RBFOX1: variants seen among roughly 807,000 people sequenced by gnomAD.
The protein encoded by RBFOX1 is RNA binding fox-1 homolog 1, also known as RNA binding protein fox-1 homolog 1.
A neutral mutation model predicts 57.7 loss-of-function variants in RBFOX1; 8 were observed. The observed-to-expected ratio is 0.14, with a 90% CI of 0.08 to 0.25. The LOEUF (loss-of-function observed/expected upper bound fraction) is 0.25, where lower values mean the gene tolerates loss of function less well. Among genes scored for constraint, RBFOX1 ranks in the 10% least tolerant of loss-of-function variants. The pLI is 1.00. For synonymous variants in RBFOX1, 326 were observed against 222.4 expected (o/e 1.47, Z -4.15); for missense variants, 611 against 548.5 (o/e 1.11, Z -1.14).
In RBFOX1 at chr16:5,356,569, G is replaced by A. The variant is rs575551146; in HGVS notation, c.220-110647G>A. Reference sequence around the variant, plus strand: ...TTCTAGGGCAAGATTTTATCTCTCTGTTGTGTCCCTAGCTTCTGGAATGGT... The same window carrying A: ...TTCTAGGGCAAGATTTTATCTCTCTATTGTGTCCCTAGCTTCTGGAATGGT... On this transcript the variant is annotated intron_variant, in intron 1 of 2. Coordinates refer to the RBFOX1 transcript ENST00000585867. 3.3e-5 allele frequency among the ~76,000 whole-genome samples: 5 copies of A among 152,286 alleles called. No individual in the cohort carries two copies. The South Asian group carries it at 8.3e-4, about 25-fold the overall frequency.
chr16:7,062,370 A>G (rs2054634493), intron 4 of RBFOX1, among the ~76,000 whole-genome samples: 1 of 151,448 alleles, frequency 6.6e-6, no homozygotes, highest in South Asian at 2.1e-4. Context: ...GTAATGAGAT[A>G]TAAAAGCTTT....
At chr16:5,300,683 T>C (rs1043729898) in intron 1 of RBFOX1, among the ~76,000 whole-genome samples, 4 of 152,224 alleles carry the variant, frequency 2.6e-5, no homozygotes, top group African/African-American at 7.2e-5. Context: ...ATTCATATGA[T>C]AACTGTAAAA....
At chr16:6,453,403 G>A (rs978239980) in intron 2 of RBFOX1, among the ~76,000 whole-genome samples, 1 of 152,054 alleles carries the variant, frequency 6.6e-6, no homozygotes, top group Non-Finnish European at 1.5e-5. Flanking sequence ...GAGAATGATG[G>A]TCTACGCAAA....
intron 1 of RBFOX1, among the ~76,000 whole-genome samples, chr16:5,296,369 C>G (rs2063668365): frequency 6.6e-6 from 1 of 152,128 alleles, no homozygotes; most frequent in Admixed American, 6.5e-5. Flanking sequence ...TCATGTAAGT[C>G]TGCATCCTCA....
chr16:6,952,480 C>T (rs114137329), intron 3 of RBFOX1, among the ~76,000 whole-genome samples: 2,274 of 151,854 alleles, frequency 0.015, 69 homozygotes, highest in African/African-American at 0.052. Flanking sequence ...GACCCTGTCT[C>T]TACAAAAAAT....
rs148457366 is a variant in RBFOX1, at chr16:5,557,327, G to A, written c.259-41575G>A. Reference sequence around the variant, plus strand: ...TAAAAATTTCTGAAAGGTTGTTTGCGTTCCTGCTGTCTGTCTGGCACTGTG... The same window carrying A: ...TAAAAATTTCTGAAAGGTTGTTTGCATTCCTGCTGTCTGTCTGGCACTGTG... On this transcript the variant is annotated intron_variant, in intron 2 of 2. Transcript: ENST00000585867. Among the ~76,000 whole-genome samples the A allele has an allele frequency of 3.8e-3, 571 of 152,002 alleles. 7 individuals carry two copies. Among genetic ancestry groups the A allele is most frequent in the African/African-American group, 0.013 (548 of 41,448 alleles).
In RBFOX1 at chr16:5,625,225, C is replaced by A. The variant is rs145381966; in HGVS notation, c.318+26264C>A. ...AGAACAGGGCAGGATATTTTTTTTT[C>A]TGTATCCCTAGGATCTGTAGCAGGA... On this transcript the variant is annotated intron_variant, in intron 3 of 19. Coordinates refer to the RBFOX1 transcript ENST00000641259. 1.8e-3 allele frequency among the ~76,000 whole-genome samples: 269 copies of A among 151,282 alleles called. 1 individual carries two copies. Among genetic ancestry groups the A allele is most frequent in the African/African-American group, 6.1e-3 (250 of 40,908 alleles).
intron 4 of RBFOX1, among the ~76,000 whole-genome samples, chr16:7,425,782 G>A (rs1237488442): frequency 3.3e-5 from 5 of 152,150 alleles, no homozygotes; most frequent in Admixed American, 3.3e-4. Flanking sequence ...GGAGAGAAAG[G>A]ATCGCCTTCC....
At chr16:5,969,128 C>CT (rs2059909193) in intron 4 of RBFOX1, among the ~76,000 whole-genome samples, 1 of 151,978 alleles carries the variant, frequency 6.6e-6, no homozygotes, top group Admixed American at 6.6e-5. Flanking sequence ...TCTTGTATCC[C>CT]TTTCTCAATG....
intron 1 of RBFOX1, among the ~76,000 whole-genome samples, chr16:6,235,739 A>G (rs1175555998): frequency 6.6e-6 from 1 of 152,134 alleles, no homozygotes; most frequent in African/African-American, 2.4e-5. Flanking sequence ...CTATTACTCT[A>G]AGTGAAGTAA....
intron 2 of RBFOX1, among the ~76,000 whole-genome samples, chr16:6,552,570 A>G (rs147982394): frequency 1.3e-5 from 2 of 152,320 alleles, no homozygotes; most frequent in African/African-American, 4.8e-5. Context: ...ATTGATGGCA[A>G]TGATAAACAA....
At chr16:6,410,077 A>G (rs2093408291) in intron 2 of RBFOX1, among the ~76,000 whole-genome samples, 1 of 152,020 alleles carries the variant, frequency 6.6e-6, no homozygotes, top group African/African-American at 2.4e-5. Context: ...TTAAAGAACC[A>G]TCTCACATTC....
chr16:5,763,143 G>A (rs1338307482), intron 3 of RBFOX1, among the ~76,000 whole-genome samples: 1 of 152,236 alleles, frequency 6.6e-6, no homozygotes, highest in African/African-American at 2.4e-5. Flanking sequence ...ACACAAGAAT[G>A]TGGGGCATCT....
At chr16:7,221,670 A>C (rs914202563) in intron 4 of RBFOX1, among the ~76,000 whole-genome samples, 5 of 152,130 alleles carry the variant, frequency 3.3e-5, no homozygotes, top group African/African-American at 1.2e-4. Context: ...CCTGCCGTTG[A>C]CTTATTTATT....
intron 2 of RBFOX1, among the ~76,000 whole-genome samples, chr16:6,399,913 C>T (rs190299805): frequency 1.3e-5 from 2 of 152,262 alleles, no homozygotes; most frequent in Admixed American, 6.5e-5. Flanking sequence ...CTTTGTAAAA[C>T]CCCCAGATCT....
chr16:7,334,514 C>G lies in RBFOX1; in HGVS notation c.28-183633C>G, dbSNP rs574643738. On this transcript the variant is annotated intron_variant, in intron 4 of 15. Transcript: ENST00000550418. ...ATAAATAATTACAGGCAAATCGTGGCCTTCACTCTATGCTGATTGATGCTG... is the reference window on the plus strand; with the variant it reads ...ATAAATAATTACAGGCAAATCGTGGGCTTCACTCTATGCTGATTGATGCTG... Among the ~76,000 whole-genome samples the G allele has an allele frequency of 4.8e-4, 73 of 152,186 alleles. 3 individuals carry two copies. The South Asian group carries it at 0.014, about 30-fold the overall frequency.
At chr16:7,445,578 C>T (rs1248336928) in intron 4 of RBFOX1, among the ~76,000 whole-genome samples, 1 of 152,086 alleles carries the variant, frequency 6.6e-6, no homozygotes, top group East Asian at 1.9e-4. Flanking sequence ...GTAAATTGTC[C>T]CCTGCCCAGA....
intron 11 of RBFOX1, among the ~76,000 whole-genome samples, chr16:7,636,361 C>A (rs946679183): frequency 6.6e-6 from 1 of 152,170 alleles, no homozygotes; most frequent in Non-Finnish European, 1.5e-5. Context: ...TCACATTTTT[C>A]ATTTAGACTT....
chr16:5,935,269 G>T (rs192021855), intron 4 of RBFOX1, among the ~76,000 whole-genome samples: 1 of 152,294 alleles, frequency 6.6e-6, no homozygotes, highest in East Asian at 1.9e-4. Context: ...TGAAAAGATT[G>T]TTACTCATGT....
Sources: allele counts gnomAD v4.1 joint callset (sites outside exome capture counted in the v4.1 genomes callset), GRCh38; gene constraint gnomAD v4.1.1; transcripts MANE v1.5; gene names NCBI Gene and HGNC (gene_info 2026-07-23, HGNC 2026-07-21).